CC2D2A: variants seen among roughly 807,000 people sequenced by gnomAD.
The protein encoded by CC2D2A is coiled-coil and C2 domain-containing protein 2A.
CC2D2A carries 155 observed loss-of-function variants against 212.9 expected under a neutral mutation model. The ratio of observed to expected loss-of-function variants is 0.73; its 90% CI spans 0.64 to 0.83. The LOEUF (loss-of-function observed/expected upper bound fraction) is 0.83, where lower values mean the gene tolerates loss of function less well. Ranked by LOEUF, CC2D2A falls within the 40% of genes least tolerant of loss-of-function variation. The pLI is 0.00. For synonymous variants in CC2D2A, 667 were observed against 686.5 expected (o/e 0.97, Z 0.44); for missense variants, 1,856 against 1,956.2 (o/e 0.95, Z 0.97).
chr4:15,579,664 C>A (rs1466731856), intron 29 of CC2D2A, among the ~76,000 whole-genome samples: 1 of 152,198 alleles, frequency 6.6e-6, no homozygotes, highest in Non-Finnish European at 1.5e-5. Flanking sequence ...CCTCATCAAT[C>A]AGAATTAGTA....
intron 11 of CC2D2A, among the ~76,000 whole-genome samples, chr4:15,517,909 A>T (rs966988853): frequency 4.6e-5 from 7 of 151,774 alleles, no homozygotes; most frequent in African/African-American, 1.7e-4. Context: ...GTGCAGGGAA[A>T]CTCCCGTTTA....
At chr4:15,559,877 A>C (rs762436359) in intron 22 of CC2D2A, among the ~76,000 whole-genome samples, 2 of 152,078 alleles carry the variant, frequency 1.3e-5, no homozygotes, top group Non-Finnish European at 2.9e-5. Flanking sequence ...CCCAGGCTGA[A>C]GTGCAGTAGT....
At chr4:15,514,568 C>T in intron 8 of CC2D2A, 139 bp from the exon 9 acceptor site, 1 of 673,148 alleles carries the variant, frequency 1.5e-6, no homozygotes, top group African/African-American at 1.8e-5. Flanking sequence ...TTATATAGTT[C>T]TATGCTTTCA....
chr4:15,487,675 T>C (rs941581037), intron 4 of CC2D2A, among the ~76,000 whole-genome samples: 1 of 152,114 alleles, frequency 6.6e-6, no homozygotes, highest in African/African-American at 2.4e-5. Context: ...GGGAGGGACT[T>C]ACTACTGCCA....
At chr4:15,578,098 T>C (rs1720489954) in intron 29 of CC2D2A, among the ~76,000 whole-genome samples, 1 of 152,260 alleles carries the variant, frequency 6.6e-6, no homozygotes, top group Admixed American at 6.5e-5. Context: ...AAATCTGTGA[T>C]ACACCTACAC....
rs1055487228 is a variant in CC2D2A, at chr4:15,563,494, G to A, written c.3154G>A (p.Asp1052Asn). The change falls in exon 24 of 37, where the codon GAC becomes AAC. Residue 1052 changes from aspartate to asparagine, a missense_variant. This residue lies in a region of CC2D2A where 1,512 missense variants were observed against 1,579.3 expected (regional missense o/e 0.96). Coordinates refer to ENST00000424120, the MANE Select transcript of CC2D2A (RefSeq NM_001378615.1). ...KLLVNIVRAY[D>N]IPVRKPAVSK... ...GCTGGTGAACATTGTGCGAGCTTAC[G>A]ACATTCCAGTGAGGAAGCCGGCAGT... is the stretch of plus-strand genomic sequence containing the variant. The A allele has an allele frequency of 5.6e-6, 9 of 1,612,374 alleles. No homozygotes were observed. Among genetic ancestry groups the A allele is most frequent in the Middle Eastern group, 1.7e-4 (1 of 6,046 alleles).
rs150666495 is a variant in CC2D2A at position 15,600,793 on chromosome 4, C to G, written c.4675-444C>G. ...GCACTTGCCTGCAGTCCCAGCTACT[C>G]AGGAGGCTAAAGTGGGGGGACCATT... On this transcript the variant is annotated intron_variant, in intron 36 of 36. Coordinates refer to ENST00000424120, the MANE Select transcript of CC2D2A (RefSeq NM_001378615.1). Among the ~76,000 whole-genome samples, 17 of 150,694 alleles carry G rather than the reference C, an allele frequency of 1.1e-4. No homozygotes were observed. In the East Asian group the frequency reaches 2.4e-3, roughly 21 times the overall value.
At chr4:15,496,658 T>C (rs924836543) in intron 4 of CC2D2A, among the ~76,000 whole-genome samples, 6 of 152,132 alleles carry the variant, frequency 3.9e-5, no homozygotes, top group Non-Finnish European at 7.4e-5. Flanking sequence ...CAAAGGAATA[T>C]AATTTCTGTA....
intron 17 of CC2D2A, among the ~76,000 whole-genome samples, chr4:15,548,543 A>G (rs1718826444): frequency 6.6e-6 from 1 of 151,804 alleles, no homozygotes; most frequent in South Asian, 2.1e-4. Context: ...GGATGTCTCA[A>G]TAAATTTTTG....
At position 15,599,548 on chromosome 4, in the gene CC2D2A, G is replaced by A. The variant is rs1721482290; in HGVS notation, c.4516G>A (p.Glu1506Lys). The change falls in exon 36 of 37, where the codon GAA (glutamate) becomes AAA (lysine). Residue 1506 changes from glutamate to lysine, a missense_variant. Glu to Lys is a moderately conservative substitution (Grantham distance 56). Transcript: ENST00000424120. The stretch of plus-strand genomic sequence containing the variant: ...GAACAGGATTGAAAAAATACTAAAA[G>A]AAAAAATCATGGACTGGAGGCCACG... ...LQDRIEKILK[E>K]KIMDWRPRHL... 2 of 1,561,472 alleles carry A rather than the reference G, an allele frequency of 1.3e-6. No individual in the cohort carries two copies. The highest frequency in any genetic ancestry group is 1.7e-6 in the Non-Finnish European group (2 of 1,149,788).
In CC2D2A at chr4:15,553,160, G is replaced by A. The variant is rs372864286; in HGVS notation, c.2341G>A (p.Val781Met). The part of the protein sequence containing the change: ...TLDHEGVGSG[V>M]PFSFEADGSN... ...TGTTTAATCTGGTGTTTCCCCAGGA[G>A]TGCCCTTCTCATTTGAAGCTGATGG... is the stretch of plus-strand genomic sequence containing the variant. The change falls in exon 19 of 37, where the codon GTG (valine) becomes ATG (methionine). Residue 781 changes from valine (V) to methionine (M), a missense_variant and splice_region_variant. Physicochemically the swap from Val to Met is conservative, Grantham distance 21 (BLOSUM62 1). This residue lies in a region of CC2D2A where 1,512 missense variants were observed against 1,579.3 expected (regional missense o/e 0.96). Transcript: ENST00000424120. The A allele has an allele frequency of 1.3e-6, 2 of 1,599,344 alleles. No individual in the cohort carries two copies. The highest frequency in any genetic ancestry group is 1.7e-6 in the Non-Finnish European group (2 of 1,174,564).
intron 4 of CC2D2A, chr4:15,492,832 C>T: frequency 3.2e-6 from 2 of 626,804 alleles, no homozygotes; most frequent in Non-Finnish European, 6.0e-6. Context: ...GAGGGCAATG[C>T]CAGCCCCAGC....
intron 29 of CC2D2A, among the ~76,000 whole-genome samples, chr4:15,578,243 G>C (rs1266875637): frequency 1.3e-5 from 2 of 152,184 alleles, no homozygotes; most frequent in Non-Finnish European, 2.9e-5. Context: ...GATGTCAAGG[G>C]ACATTTTATG....
intron 6 of CC2D2A, among the ~76,000 whole-genome samples, chr4:15,505,002 C>A (rs1333541943): frequency 6.6e-6 from 1 of 152,126 alleles, no homozygotes; most frequent in African/African-American, 2.4e-5. Context: ...CTCTCCAGAC[C>A]CCGCTTCCCG....
intron 6 of CC2D2A, among the ~76,000 whole-genome samples, chr4:15,508,474 C>T (rs1454390821): frequency 6.6e-6 from 1 of 152,128 alleles, no homozygotes; most frequent in Non-Finnish European, 1.5e-5. Flanking sequence ...ATAATGGCTA[C>T]CATTAATGCA....
intron 8 of CC2D2A, among the ~76,000 whole-genome samples, chr4:15,512,738 G>T (rs1460411425): frequency 2.6e-5 from 4 of 152,138 alleles, no homozygotes; most frequent in African/African-American, 9.7e-5. Flanking sequence ...GATCACCTAA[G>T]GTCAGGAGTT....
intron 33 of CC2D2A, 58 bp from the exon 34 acceptor site, chr4:15,596,027 C>T: frequency 1.6e-6 from 2 of 1,237,718 alleles, no homozygotes; most frequent in Non-Finnish European, 2.2e-6. Context: ...TCCATGCACA[C>T]ATACATGTGC....
chr4:15,483,725 TGTATTTTCCA>T (rs1318698517), intron 4 of CC2D2A, among the ~76,000 whole-genome samples: 2 of 152,230 alleles, frequency 1.3e-5, no homozygotes, highest in African/African-American at 4.8e-5. Flanking sequence ...TCCTTCCGGT[TGTATTTTCCA>T]GTGTTTTCCA....
intron 13 of CC2D2A, among the ~76,000 whole-genome samples, chr4:15,532,796 A>G (rs772294123): frequency 3.9e-5 from 6 of 152,228 alleles, no homozygotes; most frequent in Non-Finnish European, 7.3e-5. Context: ...TCAGTGTGGA[A>G]CTTGTGATTT....
Sources: allele counts gnomAD v4.1 joint callset (sites outside exome capture counted in the v4.1 genomes callset), GRCh38; gene constraint gnomAD v4.1.1; regional missense constraint gnomAD v4.1.1; transcripts MANE v1.5; gene names NCBI Gene and HGNC (gene_info 2026-07-23, HGNC 2026-07-21).